KAT6A: variants seen among roughly 807,000 people sequenced by gnomAD.
The protein encoded by KAT6A is lysine acetyltransferase 6A, also known as histone acetyltransferase KAT6A.
A neutral mutation model predicts 198.4 loss-of-function variants in KAT6A; 9 were observed. The ratio of observed to expected loss-of-function variants is 0.05; its 90% CI spans 0.03 to 0.08. KAT6A has a LOEUF of 0.08. KAT6A is among the 10% of genes least tolerant of loss of function. The probability of loss-of-function intolerance (pLI) is 1.00; values close to 1 mark genes in which losing one functional copy is unlikely to be tolerated. For missense variants in KAT6A, 2,077 were observed against 2,509.9 expected (o/e 0.83, Z 3.69); for synonymous variants, 890 against 883.0 (o/e 1.01, Z -0.14).
intron 1 of KAT6A, among the ~76,000 whole-genome samples, chr8:42,051,629 G>C (rs186731973): frequency 0.11 from 15,403 of 144,838 alleles, 1,041 homozygotes; most frequent in East Asian, 0.24. Context: ...CGGGGCCCGC[G>C]AGCGCGGGGC....
intron 6 of KAT6A, among the ~76,000 whole-genome samples, chr8:41,977,751 T>C (rs922115068): frequency 6.6e-6 from 1 of 152,204 alleles, no homozygotes; most frequent in Non-Finnish European, 1.5e-5. Context: ...CTTTTATCTC[T>C]AAAACACAAG....
intron 2 of KAT6A, among the ~76,000 whole-genome samples, chr8:41,988,600 A>G (rs1029130081): frequency 6.6e-6 from 1 of 152,256 alleles, no homozygotes; most frequent in African/African-American, 2.4e-5. Context: ...TCTGGTGAAG[A>G]CAAGATGAGA....
At chr8:41,986,003 C>T (rs913090130) in intron 3 of KAT6A, among the ~76,000 whole-genome samples, 3 of 152,058 alleles carry the variant, frequency 2.0e-5, no homozygotes, top group Admixed American at 6.6e-5. Context: ...TGCAGTGACG[C>T]CATCTCAGCT....
At chr8:42,027,606 G>A (rs866001804) in intron 2 of KAT6A, among the ~76,000 whole-genome samples, 5 of 152,104 alleles carry the variant, frequency 3.3e-5, no homozygotes, top group East Asian at 1.9e-4. Context: ...AGTTGCTGAC[G>A]ATCCTTTGTA....
chr8:41,978,613 C>G, intron 6 of KAT6A, 29 bp downstream of exon 6: 1 of 1,610,704 alleles, frequency 6.2e-7, no homozygotes, highest in Non-Finnish European at 8.5e-7. Context: ...ATCCTTTTCT[C>G]CCCTCACCTT....
intron 2 of KAT6A, among the ~76,000 whole-genome samples, chr8:42,009,894 C>CAAAAAAAAAAAAAAAAAA (rs538642816): frequency 2.2e-4 from 11 of 49,014 alleles, no homozygotes; most frequent in Admixed American, 4.2e-4. Flanking sequence ...AGCCCTGTCT[C>CAAAAAAAAAAAAAAAAAA]AAAAAAAAAA....
At chr8:42,012,887 GAACA>G (rs1826087804) in intron 2 of KAT6A, among the ~76,000 whole-genome samples, 1 of 152,092 alleles carries the variant, frequency 6.6e-6, no homozygotes, top group Admixed American at 6.6e-5. Flanking sequence ...CAACAAAAAG[GAACA>G]AACTATTGAC....
intron 8 of KAT6A, among the ~76,000 whole-genome samples, chr8:41,964,627 G>GAAAAAAAAAAAAAAAAAA (rs61710510): frequency 7.6e-6 from 1 of 130,922 alleles, no homozygotes; most frequent in Non-Finnish European, 1.7e-5. Flanking sequence ...TCCAAAATCT[G>GAAAAAAAAAAAAAAAAAA]AAAAAAAAAA....
chr8:41,943,242 C>A (rs1469706843), intron 13 of KAT6A, among the ~76,000 whole-genome samples: 3 of 152,174 alleles, frequency 2.0e-5, no homozygotes, highest in Non-Finnish European at 4.4e-5. Flanking sequence ...CTCACACGTC[C>A]CGCTCCAGAA....
intron 2 of KAT6A, among the ~76,000 whole-genome samples, chr8:42,022,634 T>TG (rs1826605164): frequency 6.6e-6 from 1 of 152,212 alleles, no homozygotes; most frequent in African/African-American, 2.4e-5. Flanking sequence ...ATACTGGTGA[T>TG]GACTCTCTAT....
rs879009726 is a variant in KAT6A, at chr8:41,930,368, C to T, written c.*1837G>A. On this transcript the variant is annotated 3_prime_UTR_variant, in exon 17 of 17. Coordinates refer to ENST00000265713, the MANE Select transcript of KAT6A (RefSeq NM_006766.5). ...AACTGGAATAGTATATACAGAGAAA[C>T]TGGGTCCTACACAGCCTTGCACATG... The T allele has an allele frequency of 1.0e-4, 22 of 217,974 alleles. No homozygotes were observed. The South Asian group carries it at 2.2e-3, about 22-fold the overall frequency. The allele number at this position is 217,974 out of a possible 1,614,324, so 13.5% of individuals were successfully genotyped here. A position where few individuals can be genotyped will look rare whatever the true frequency, so the allele number is the denominator to read the frequency against.
At chr8:41,966,644 T>C (rs933663220) in intron 8 of KAT6A, among the ~76,000 whole-genome samples, 5 of 152,186 alleles carry the variant, frequency 3.3e-5, no homozygotes, top group African/African-American at 1.2e-4. Flanking sequence ...GCGCCAATTC[T>C]CACACATCTT....
chr8:41,968,380 ACCATCACTGG>A (rs1344621244), intron 8 of KAT6A, among the ~76,000 whole-genome samples: 1 of 152,230 alleles, frequency 6.6e-6, no homozygotes, highest in African/African-American at 2.4e-5. Context: ...AAAAATGCTC[ACCATCACTGG>A]CCATCAGAGA....
chr8:42,002,818 G>C (rs1825561833), intron 2 of KAT6A, among the ~76,000 whole-genome samples: 2 of 152,118 alleles, frequency 1.3e-5, no homozygotes, highest in African/African-American at 4.8e-5. Flanking sequence ...CAGTCAAACA[G>C]CTTTGTACTT....
chr8:42,004,586 C>A (rs1241139820), intron 2 of KAT6A, among the ~76,000 whole-genome samples: 3 of 152,098 alleles, frequency 2.0e-5, no homozygotes. Context: ...TAAATGAGAT[C>A]ATTTTTTCTA....
intron 2 of KAT6A, among the ~76,000 whole-genome samples, chr8:42,036,004 C>G (rs893499316): frequency 1.3e-5 from 2 of 152,010 alleles, no homozygotes; most frequent in Admixed American, 6.6e-5. Flanking sequence ...GAGAGATGAG[C>G]CTTTCACACT....
intron 2 of KAT6A, among the ~76,000 whole-genome samples, chr8:42,001,779 C>T (rs987847638): frequency 1.3e-5 from 2 of 152,092 alleles, no homozygotes; most frequent in Non-Finnish European, 2.9e-5. Context: ...GGAATAGGGG[C>T]TTGTCAAAAG....
At chr8:42,024,340 C>T (rs1427302318) in intron 2 of KAT6A, among the ~76,000 whole-genome samples, 1 of 152,138 alleles carries the variant, frequency 6.6e-6, no homozygotes, top group Admixed American at 6.5e-5. Flanking sequence ...CATAATTGTA[C>T]ATCTTTATGA....
At chr8:41,967,504 T>A (rs1823568672) in intron 8 of KAT6A, among the ~76,000 whole-genome samples, 1 of 139,536 alleles carries the variant, frequency 7.2e-6, no homozygotes, top group Non-Finnish European at 1.5e-5. Context: ...TGTCCATGTG[T>A]TCTCACTGTT....
Sources: gnomAD v4.1 joint callset for allele counts (sites outside exome capture counted in the v4.1 genomes callset) on GRCh38, gnomAD v4.1.1 for gene constraint, MANE v1.5 for transcripts, NCBI Gene and HGNC (gene_info 2026-07-23, HGNC 2026-07-21) for gene names.